Variants in PCDHGA3 observed in about 807,000 individuals in gnomAD.
PCDHGA3 encodes the protein protocadherin gamma-A3.
In PCDHGA3, 40 loss-of-function variants were observed where a neutral mutation model predicts 58.5. The ratio of observed to expected loss-of-function variants is 0.68; its 90% CI spans 0.53 to 0.89. The LOEUF (loss-of-function observed/expected upper bound fraction) is 0.89, where lower values mean the gene tolerates loss of function less well. PCDHGA3 is among the 40% of genes least tolerant of loss of function. The pLI is 0.00. For missense variants in PCDHGA3, 1,223 were observed against 1,195.9 expected (o/e 1.02, Z -0.33); for synonymous variants, 530 against 525.7 (o/e 1.01, Z -0.11).
chr5:141,468,315 C>T (rs1197043569), intron 1 of PCDHGA3: 4 of 120,552 alleles, frequency 3.3e-5, no homozygotes, highest in Non-Finnish European at 5.0e-5. Context: ...ACAAGAGCAA[C>T]GGTAAACTCC....
chr5:141,433,220 T>A (rs781745522), intron 1 of PCDHGA3: 2 of 1,509,720 alleles, frequency 1.3e-6, no homozygotes, highest in Non-Finnish European at 1.8e-6. Flanking sequence ...TTTTTTTTTT[T>A]AATTGCTCTG....
At chr5:141,403,342 C>T (rs766669117) in intron 1 of PCDHGA3, 4 of 1,613,976 alleles carry the variant, frequency 2.5e-6, no homozygotes, top group African/African-American at 1.3e-5. Context: ...ACGACAGCGC[C>T]CCAAAGTTCC....
chr5:141,400,190 T>G (rs914854634), intron 1 of PCDHGA3: 1 of 1,613,898 alleles, frequency 6.2e-7, no homozygotes, highest in Non-Finnish European at 8.5e-7. Context: ...CAGTTTTACC[T>G]AGTGGTGGCC....
chr5:141,372,155 G>A (rs1257582169), intron 1 of PCDHGA3: 1 of 1,613,678 alleles, frequency 6.2e-7, no homozygotes, highest in Admixed American at 1.7e-5. Flanking sequence ...CTGGCTACCT[G>A]GTGACCAAGG....
chr5:141,509,233 AG>A (rs1204393769), intron 3 of PCDHGA3, among the ~76,000 whole-genome samples: 1 of 152,104 alleles, frequency 6.6e-6, no homozygotes, highest in Non-Finnish European at 1.5e-5. Context: ...TTGATGTCCC[AG>A]GATTACTCAG....
chr5:141,455,587 T>C (rs1383947901), intron 1 of PCDHGA3, among the ~76,000 whole-genome samples: 1 of 152,162 alleles, frequency 6.6e-6, no homozygotes, highest in African/African-American at 2.4e-5. Flanking sequence ...CCTTTTAATA[T>C]GCAAACGTAG....
chr5:141,395,248 T>A, intron 1 of PCDHGA3: 1 of 1,561,360 alleles, frequency 6.4e-7, no homozygotes, highest in Non-Finnish European at 8.7e-7. Flanking sequence ...GTGAGTTTAG[T>A]TCTTTGCTTG....
At chr5:141,472,022 T>A (rs949257396) in intron 1 of PCDHGA3, among the ~76,000 whole-genome samples, 6 of 152,176 alleles carry the variant, frequency 3.9e-5, no homozygotes, top group African/African-American at 1.4e-4. Context: ...CTATATTGTA[T>A]GTAGAAAGCT....
intron 1 of PCDHGA3, among the ~76,000 whole-genome samples, chr5:141,369,705 A>G (rs1766444941): frequency 6.6e-6 from 1 of 152,376 alleles, no homozygotes; most frequent in East Asian, 1.9e-4. Flanking sequence ...AAGCTATGAC[A>G]TTATAACTTT....
At chr5:141,404,233 AG>A (rs2094501302) in intron 1 of PCDHGA3, 1 of 1,613,628 alleles carries the variant, frequency 6.2e-7, no homozygotes, top group African/African-American at 1.3e-5. Flanking sequence ...CAACAGACAG[AG>A]GAACTCCGCC....
intron 1 of PCDHGA3, chr5:141,418,580 G>A: frequency 1.2e-5 from 20 of 1,614,018 alleles, no homozygotes; most frequent in Non-Finnish European, 1.7e-5. Flanking sequence ...CAACCCCCCA[G>A]TGTTCAGCCA....
chr5:141,500,491 G>A (rs1595677531), intron 2 of PCDHGA3, among the ~76,000 whole-genome samples: 1 of 152,156 alleles, frequency 6.6e-6, no homozygotes, highest in East Asian at 1.9e-4. Context: ...TTACAGGCGT[G>A]AGCCACCGCG....
chr5:141,451,676 G>A (rs1363843426), intron 1 of PCDHGA3, among the ~76,000 whole-genome samples: 1 of 152,142 alleles, frequency 6.6e-6, no homozygotes, highest in African/African-American at 2.4e-5. Flanking sequence ...GAGCCCAGGA[G>A]TTCAAGACCA....
At chr5:141,427,924 G>A (rs1440880400) in intron 1 of PCDHGA3, 8 of 1,580,024 alleles carry the variant, frequency 5.1e-6, no homozygotes, top group East Asian at 2.2e-5. Context: ...ATGAGCCGGC[G>A]CATGTTGGTG....
intron 1 of PCDHGA3, chr5:141,405,569 A>G: frequency 1.7e-6 from 1 of 604,184 alleles, no homozygotes. Context: ...GGACTAGAGT[A>G]GAGTAGCTGG....
chr5:141,348,038 G>C (rs1758054161), intron 1 of PCDHGA3, among the ~76,000 whole-genome samples: 2 of 152,140 alleles, frequency 1.3e-5, no homozygotes, highest in Admixed American at 6.5e-5. Context: ...TCCAACAATG[G>C]AATAGAAGTC....
intron 2 of PCDHGA3, among the ~76,000 whole-genome samples, chr5:141,503,950 C>T (rs1216385793): frequency 3.3e-5 from 5 of 152,180 alleles, no homozygotes; most frequent in Non-Finnish European, 7.3e-5. Flanking sequence ...CAAGGCCTAC[C>T]CTACAGCCTT....
intron 2 of PCDHGA3, 62 bp downstream of exon 2, chr5:141,494,927 G>C: frequency 6.2e-7 from 1 of 1,613,516 alleles, no homozygotes; most frequent in Non-Finnish European, 8.5e-7. Context: ...GATGACGTGG[G>C]AGGAGATGGG....
At chr5:141,399,627 C>G (rs751717107) in intron 1 of PCDHGA3, 12 of 1,613,906 alleles carry the variant, frequency 7.4e-6, no homozygotes, top group South Asian at 1.1e-5. Context: ...TGGCCTCTTA[C>G]GTGTCCATGA....
Sources: gnomAD v4.1 joint callset for allele counts (sites outside exome capture counted in the v4.1 genomes callset) on GRCh38, gnomAD v4.1.1 for gene constraint, MANE v1.5 for transcripts, NCBI Gene and HGNC (gene_info 2026-07-23, HGNC 2026-07-21) for gene names.